PRR16: variants seen among roughly 807,000 people sequenced by gnomAD.
PRR16 encodes the protein proline rich 16, also known as protein Largen.
In PRR16, 6 loss-of-function variants were observed where a neutral mutation model predicts 18.2. The observed-to-expected ratio is 0.33, with a 90% confidence interval of 0.18 to 0.65. PRR16 has a LOEUF of 0.65. Ranked by LOEUF, PRR16 falls within the 30% of genes least tolerant of loss-of-function variation. PRR16 has a pLI of 0.74. For synonymous variants in PRR16, 151 were observed against 147.8 expected (o/e 1.02, Z -0.16); for missense variants, 412 against 376.6 (o/e 1.09, Z -0.78).
chr5:120,775,408 G>A, the PRR16 span, among the ~76,000 whole-genome samples: 1 of 151,920 alleles, frequency 6.6e-6, no homozygotes, highest in East Asian at 1.9e-4. Flanking sequence ...TTTTTCATGT[G>A]TTGTCCATTC....
chr5:120,744,421 T>G, the PRR16 span, among the ~76,000 whole-genome samples: 1 of 152,190 alleles, frequency 6.6e-6, no homozygotes, highest in Non-Finnish European at 1.5e-5. Flanking sequence ...AGGAGACAGA[T>G]CTTTAGTTCT....
the PRR16 span, among the ~76,000 whole-genome samples, chr5:120,782,009 A>G: frequency 6.6e-6 from 1 of 152,136 alleles, no homozygotes; most frequent in Non-Finnish European, 1.5e-5. Context: ...TGATTTGCAT[A>G]TAAATAGTTC....
intron 1 of PRR16, among the ~76,000 whole-genome samples, chr5:120,629,663 C>T (rs1309023976): frequency 4.6e-5 from 7 of 152,102 alleles, no homozygotes; most frequent in Non-Finnish European, 1.5e-5. Flanking sequence ...TGCCTTCACA[C>T]ACCTTTCTGT....
chr5:120,647,645 C>G (rs1186479438), intron 1 of PRR16, among the ~76,000 whole-genome samples: 1 of 152,058 alleles, frequency 6.6e-6, no homozygotes, highest in Admixed American at 6.6e-5. Context: ...AAGAGTTACT[C>G]ATAAATTCAG....
intron 1 of PRR16, among the ~76,000 whole-genome samples, chr5:120,572,038 GA>G (rs1475570529): frequency 1.3e-5 from 2 of 152,126 alleles, no homozygotes; most frequent in Non-Finnish European, 2.9e-5. Context: ...GTGACTACAA[GA>G]ACAAGTATCC....
At chr5:120,611,736 G>C (rs529521261) in intron 1 of PRR16, among the ~76,000 whole-genome samples, 3 of 152,332 alleles carry the variant, frequency 2.0e-5, no homozygotes, top group Admixed American at 6.5e-5. Context: ...GGCCCACATG[G>C]AGAACCTCTG....
chr5:120,736,063 T>C, the PRR16 span, among the ~76,000 whole-genome samples: 3 of 152,222 alleles, frequency 2.0e-5, no homozygotes, highest in African/African-American at 7.2e-5. Context: ...GGAGAAATTA[T>C]TGAGGAGGCT....
chr5:120,727,198 T>C, the PRR16 span, among the ~76,000 whole-genome samples: 2 of 152,106 alleles, frequency 1.3e-5, no homozygotes, highest in Non-Finnish European at 2.9e-5. Flanking sequence ...TTGTTTTTTC[T>C]TTATGCCAAG....
intron 1 of PRR16, among the ~76,000 whole-genome samples, chr5:120,539,916 T>G (rs1363432250): frequency 6.6e-6 from 1 of 152,120 alleles, no homozygotes; most frequent in Non-Finnish European, 1.5e-5. Context: ...CTATTGTGTT[T>G]TATATTATAG....
the PRR16 span, among the ~76,000 whole-genome samples, chr5:120,755,874 T>G: frequency 1.3e-5 from 2 of 152,242 alleles, no homozygotes; most frequent in South Asian, 2.1e-4. Context: ...ACAGATTTAC[T>G]GAAAGAAAAG....
intron 1 of PRR16, among the ~76,000 whole-genome samples, chr5:120,509,005 T>A (rs575426148): frequency 1.4e-4 from 22 of 152,200 alleles, no homozygotes; most frequent in African/African-American, 5.3e-4. Flanking sequence ...AAATAAAAAT[T>A]GTGAAGTTGA....
At chr5:120,538,881 A>G (rs1751815923) in intron 1 of PRR16, among the ~76,000 whole-genome samples, 1 of 152,130 alleles carries the variant, frequency 6.6e-6, no homozygotes, top group African/African-American at 2.4e-5. Flanking sequence ...GCTGGGAGAA[A>G]GTGTTGGCTG....
At chr5:120,492,043 G>T (rs566257971) in intron 1 of PRR16, among the ~76,000 whole-genome samples, 1 of 151,228 alleles carries the variant, frequency 6.6e-6, no homozygotes, top group Non-Finnish European at 1.5e-5. Context: ...GTACATTATA[G>T]TGTTCAATCT....
At chr5:120,573,927 AT>A (rs1752984993) in intron 1 of PRR16, among the ~76,000 whole-genome samples, 1 of 151,838 alleles carries the variant, frequency 6.6e-6, no homozygotes, top group Non-Finnish European at 1.5e-5. Flanking sequence ...ATCAAACACC[AT>A]TTAGTATAGC....
intron 1 of PRR16, among the ~76,000 whole-genome samples, chr5:120,568,299 G>A (rs1752798691): frequency 1.3e-5 from 2 of 152,092 alleles, no homozygotes; most frequent in African/African-American, 4.8e-5. Context: ...AGCTGGGATA[G>A]GGCCCGAAGT....
intron 1 of PRR16, among the ~76,000 whole-genome samples, chr5:120,513,216 A>G (rs570274885): frequency 6.6e-6 from 1 of 152,200 alleles, no homozygotes; most frequent in East Asian, 1.9e-4. Flanking sequence ...ACCTGTCTTC[A>G]TTGTTGCAAC....
chr5:120,650,499 C>A (rs1164816425), intron 1 of PRR16, among the ~76,000 whole-genome samples: 1 of 142,806 alleles, frequency 7.0e-6, no homozygotes, highest in Non-Finnish European at 1.5e-5. Flanking sequence ...CCACAACAGG[C>A]CCCGGTGTGT....
At position 120,574,185 on chromosome 5, in the gene PRR16, G is replaced by C. The variant is rs566412191; in HGVS notation, c.159+109540G>C. Among the ~76,000 whole-genome samples, 12 of 152,210 alleles carry C rather than the reference G, an allele frequency of 7.9e-5. No individual in the cohort carries two copies. In the South Asian group the frequency reaches 2.5e-3, roughly 32 times the overall value. On this transcript the variant is annotated intron_variant, in intron 1 of 1. Coordinates refer to ENST00000407149, the MANE Select transcript of PRR16 (RefSeq NM_001300783.2). ...AAAATGCATGGAACAGATAGGGAAA[G>C]AAATTTGTAATATCTATACTTGAGA...
intron 1 of PRR16, among the ~76,000 whole-genome samples, chr5:120,590,652 A>G (rs1214337478): frequency 6.6e-6 from 1 of 152,114 alleles, no homozygotes; most frequent in Non-Finnish European, 1.5e-5. Flanking sequence ...ATCCTGGTTC[A>G]TATCACTATG....
Sources: gnomAD v4.1 joint callset for allele counts (sites outside exome capture counted in the v4.1 genomes callset) on GRCh38, gnomAD v4.1.1 for gene constraint, MANE v1.5 for transcripts, NCBI Gene and HGNC (gene_info 2026-07-23, HGNC 2026-07-21) for gene names.